The following NUBPL variants were observed in gnomAD, a reference collection of about 807,000 sequenced individuals.
NUBPL encodes NUBP iron-sulfur cluster assembly factor, mitochondrial.
NUBPL carries 31 observed loss-of-function variants against 45.7 expected under a neutral mutation model. The ratio of observed to expected loss-of-function variants is 0.68; its 90% CI spans 0.51 to 0.92. The LOEUF (loss-of-function observed/expected upper bound fraction) is 0.92. Among genes scored for constraint, NUBPL ranks in the 40% least tolerant of loss-of-function variants. NUBPL has a pLI of 0.00. For missense variants in NUBPL, 401 were observed against 398.7 expected (o/e 1.01, Z -0.05); for synonymous variants, 144 against 140.9 (o/e 1.02, Z -0.15).
chr14:31,617,238 C>T lies in NUBPL; in HGVS notation c.382+17859C>T, dbSNP rs146629500. ...CTGCAAACAGGGACAGTTTGACTTCCTCTCTTCCTAATTGAATACCCTTTA... is the reference window on the plus strand; with the variant it reads ...CTGCAAACAGGGACAGTTTGACTTCTTCTCTTCCTAATTGAATACCCTTTA... On this transcript the variant is annotated intron_variant, in intron 4 of 10. Coordinates refer to ENST00000281081, the MANE Select transcript of NUBPL (RefSeq NM_025152.3). Among the ~76,000 whole-genome samples, 844 of 152,292 alleles carry T rather than the reference C, an allele frequency of 5.5e-3. 8 individuals are homozygous for T. The highest frequency in any genetic ancestry group is 0.019 in the African/African-American group (800 of 41,570).
At chr14:31,731,860 AAT>A (rs749251722) in intron 6 of NUBPL, among the ~76,000 whole-genome samples, 6 of 152,098 alleles carry the variant, frequency 3.9e-5, no homozygotes, top group Non-Finnish European at 8.8e-5. Flanking sequence ...GGAAGGATGG[AAT>A]TTGGAATTCT....
At position 31,624,689 on chromosome 14, in the gene NUBPL, C is replaced by T. The variant is rs376661563; in HGVS notation, c.382+25310C>T. The stretch of plus-strand genomic sequence containing the variant: ...AAGCAATTCTTCTGCCTCAGCCTCC[C>T]GAGTAGCTTGGATTACAGGCGCCTG... On this transcript the variant is annotated intron_variant, in intron 4 of 10. Coordinates refer to ENST00000281081, the MANE Select transcript of NUBPL (RefSeq NM_025152.3). Among the ~76,000 whole-genome samples the T allele has an allele frequency of 2.0e-4, 31 of 152,248 alleles. No individual in the cohort carries two copies. The South Asian group carries it at 5.8e-3, about 29-fold the overall frequency.
At chr14:31,803,221 T>C (rs2039625565) in intron 7 of NUBPL, among the ~76,000 whole-genome samples, 1 of 152,224 alleles carries the variant, frequency 6.6e-6, no homozygotes, top group Admixed American at 6.5e-5. Flanking sequence ...CTTGATTGTT[T>C]GGCATTTACT....
intron 3 of NUBPL, among the ~76,000 whole-genome samples, chr14:31,593,677 T>C (rs1428856560): frequency 6.6e-6 from 1 of 151,892 alleles, no homozygotes; most frequent in Admixed American, 6.6e-5. Context: ...ATAGGAAATG[T>C]GTAGTGTTGT....
chr14:31,801,833 T>C (rs1566569606), intron 7 of NUBPL, among the ~76,000 whole-genome samples: 1 of 152,222 alleles, frequency 6.6e-6, no homozygotes, highest in Non-Finnish European at 1.5e-5. Context: ...GCAGAAGTGG[T>C]ACAGGACACA....
intron 4 of NUBPL, among the ~76,000 whole-genome samples, chr14:31,623,356 T>C (rs902835992): frequency 1.3e-5 from 2 of 152,240 alleles, no homozygotes; most frequent in Non-Finnish European, 2.9e-5. Flanking sequence ...GAGTTAATGC[T>C]GGAATGAGTT....
chr14:31,846,783 T>C lies in NUBPL; in HGVS notation c.814+192T>C, dbSNP rs112167910. Among the ~76,000 whole-genome samples the C allele has an allele frequency of 0.1, 15,362 of 151,960 alleles. 946 individuals carry two copies. Among genetic ancestry groups the C allele is most frequent in the Non-Finnish European group, 0.14 (9,781 of 67,932 alleles). On this transcript the variant is annotated intron_variant, in intron 9 of 10. Transcript: ENST00000281081. ...CATCCTGGCTAACATGGTGAGACCC[T>C]GTCTCTACTAAAAATACAAAAAATT...
chr14:31,819,660 G>C (rs2039981882), intron 7 of NUBPL, among the ~76,000 whole-genome samples: 1 of 152,158 alleles, frequency 6.6e-6, no homozygotes, highest in Non-Finnish European at 1.5e-5. Flanking sequence ...TAGGAGGATT[G>C]ACAATTAATA....
At chr14:31,829,047 GA>G (rs1251129444) in intron 8 of NUBPL, among the ~76,000 whole-genome samples, 1 of 152,192 alleles carries the variant, frequency 6.6e-6, no homozygotes, top group Non-Finnish European at 1.5e-5. Context: ...GAAGGTGAAA[GA>G]GCTGTTTGGG....
intron 3 of NUBPL, among the ~76,000 whole-genome samples, chr14:31,595,542 A>G (rs893599284): frequency 5.3e-5 from 8 of 152,236 alleles, no homozygotes; most frequent in Non-Finnish European, 1.0e-4. Context: ...TAAAATTATT[A>G]TAGAAGGAGT....
At chr14:31,609,766 A>T (rs1388545254) in intron 4 of NUBPL, among the ~76,000 whole-genome samples, 4 of 152,196 alleles carry the variant, frequency 2.6e-5, no homozygotes, top group Non-Finnish European at 4.4e-5. Flanking sequence ...CATAACAAGA[A>T]TTTTGGAAAC....
At position 31,804,495 on chromosome 14, in the gene NUBPL, A is replaced by G. The variant is rs74903452; in HGVS notation, c.607+16622A>G. Among the ~76,000 whole-genome samples, 386 of 152,290 alleles carry G rather than the reference A, an allele frequency of 2.5e-3. 3 individuals carry two copies. The highest frequency in any genetic ancestry group is 4.1e-3 in the Non-Finnish European group (278 of 68,024). ...TGATGTTTGAATTCCCTGAATACCT[A>G]TCAAGAGGTCATCTAGCCTGTATTT... On this transcript the variant is annotated intron_variant, in intron 7 of 10. Transcript: ENST00000281081.
chr14:31,635,839 TCTC>T (rs897688347), intron 4 of NUBPL, among the ~76,000 whole-genome samples: 75 of 152,276 alleles, frequency 4.9e-4, no homozygotes, highest in African/African-American at 1.6e-3. Flanking sequence ...GGTATTTTAT[TCTC>T]CTTGAAGCAA....
At chr14:31,661,965 A>G (rs2036280499) in intron 4 of NUBPL, 1 of 152,182 alleles carries the variant, frequency 6.6e-6, no homozygotes, top group Non-Finnish European at 1.5e-5. Context: ...CTTTATTACA[A>G]CAAAGTTCTA....
At chr14:31,683,930 A>G (rs1044117486) in intron 6 of NUBPL, among the ~76,000 whole-genome samples, 2 of 151,652 alleles carry the variant, frequency 1.3e-5, no homozygotes, top group Non-Finnish European at 2.9e-5. Flanking sequence ...TTCAACTGCT[A>G]CTACCATAGT....
intron 8 of NUBPL, among the ~76,000 whole-genome samples, chr14:31,833,230 A>G (rs1209317767): frequency 6.6e-5 from 10 of 152,064 alleles, no homozygotes; most frequent in Non-Finnish European, 1.5e-4. Context: ...TTAGCCAAGT[A>G]TGGTGGCATG....
chr14:31,624,633 C>T (rs887259528), intron 4 of NUBPL, among the ~76,000 whole-genome samples: 5 of 152,214 alleles, frequency 3.3e-5, no homozygotes, highest in Admixed American at 6.5e-5. Flanking sequence ...GATGTAATCT[C>T]GGCTCACTGC....
chr14:31,813,910 C>T (rs2039865415), intron 7 of NUBPL, among the ~76,000 whole-genome samples: 1 of 152,118 alleles, frequency 6.6e-6, no homozygotes, highest in African/African-American at 2.4e-5. Context: ...GTATATGTGC[C>T]ACTTTTTCTT....
At chr14:31,795,082 T>G (rs2039457862) in intron 7 of NUBPL, among the ~76,000 whole-genome samples, 1 of 149,458 alleles carries the variant, frequency 6.7e-6, no homozygotes. Flanking sequence ...TTCTGTTCCA[T>G]TGATCTATAT....
Sources: allele counts gnomAD v4.1 joint callset (sites outside exome capture counted in the v4.1 genomes callset), GRCh38; gene constraint gnomAD v4.1.1; transcripts MANE v1.5; gene names NCBI Gene and HGNC (gene_info 2026-07-23, HGNC 2026-07-21).